DSCAML1: variants seen among roughly 807,000 people sequenced by gnomAD.
DSCAML1 encodes the protein DS cell adhesion molecule like 1.
A neutral mutation model predicts 200.5 loss-of-function variants in DSCAML1; 38 were observed. That is an observed-to-expected ratio of 0.19 (90% CI 0.15 to 0.25). The LOEUF (loss-of-function observed/expected upper bound fraction) is 0.25. Among genes scored for constraint, DSCAML1 ranks in the 10% least tolerant of loss-of-function variants. The pLI, the probability that DSCAML1 is intolerant of heterozygous loss-of-function variation, is 1.00. For synonymous variants in DSCAML1, 1,215 were observed against 1,165.0 expected (o/e 1.04, Z -0.87); for missense variants, 2,223 against 2,858.8 (o/e 0.78, Z 5.07).
intron 11 of DSCAML1, among the ~76,000 whole-genome samples, chr11:117,492,516 A>G (rs539698586): frequency 7.9e-5 from 12 of 152,222 alleles, no homozygotes; most frequent in African/African-American, 2.9e-4. Context: ...CAAGGCTCGG[A>G]TCGCCTTTTG....
At chr11:117,522,159 G>A (rs928637463) in intron 5 of DSCAML1, among the ~76,000 whole-genome samples, 1 of 152,196 alleles carries the variant, frequency 6.6e-6, no homozygotes, top group Non-Finnish European at 1.5e-5. Context: ...CTCACCTAGA[G>A]CATTCTGTGC....
At chr11:117,782,246 C>T (rs1047221514) in intron 1 of DSCAML1, among the ~76,000 whole-genome samples, 1 of 152,152 alleles carries the variant, frequency 6.6e-6, no homozygotes, top group African/African-American at 2.4e-5. Flanking sequence ...CCAGGCAGCT[C>T]GTTGAGGAAG....
At chr11:117,596,832 G>A (rs541913045) in intron 3 of DSCAML1, among the ~76,000 whole-genome samples, 149 of 152,300 alleles carry the variant, frequency 9.8e-4, no homozygotes, top group African/African-American at 3.4e-3. Flanking sequence ...TGAATGCAGA[G>A]GCAAACCTGG....
chr11:117,531,248 G>T (rs1251343110), intron 4 of DSCAML1, among the ~76,000 whole-genome samples: 2 of 152,104 alleles, frequency 1.3e-5, no homozygotes, highest in Non-Finnish European at 2.9e-5. Flanking sequence ...CGAGGCCAGG[G>T]GTTCAGAGTT....
chr11:117,542,876 C>T (rs1555183198), intron 3 of DSCAML1, among the ~76,000 whole-genome samples: 1 of 152,210 alleles, frequency 6.6e-6, no homozygotes, highest in Non-Finnish European at 1.5e-5. Context: ...CTCCTGAACA[C>T]AAATTCAGAG....
chr11:117,806,662 G>A (rs1206501973), intron 1 of DSCAML1, among the ~76,000 whole-genome samples: 1 of 152,232 alleles, frequency 6.6e-6, no homozygotes, highest in African/African-American at 2.4e-5. Flanking sequence ...GAGACATAGA[G>A]AAATTAACTA....
At chr11:117,541,756 G>A (rs2050273151) in intron 3 of DSCAML1, among the ~76,000 whole-genome samples, 1 of 152,204 alleles carries the variant, frequency 6.6e-6, no homozygotes. Flanking sequence ...CCTCCCAGCT[G>A]AGCCCATGTG....
At chr11:117,800,437 A>C (rs1485570324), upstream of DSCAML1, among the ~76,000 whole-genome samples, 5 of 152,250 alleles carry the variant, frequency 3.3e-5, no homozygotes, top group African/African-American at 1.2e-4. Flanking sequence ...AGTGAGAACA[A>C]ACACAGTTGC....
intron 1 of DSCAML1, among the ~76,000 whole-genome samples, chr11:117,788,288 T>G (rs2055397704): frequency 6.6e-6 from 1 of 152,194 alleles, no homozygotes; most frequent in African/African-American, 2.4e-5. Flanking sequence ...TTGGTTTTTT[T>G]GGTTTGTTTT....
intron 1 of DSCAML1, among the ~76,000 whole-genome samples, chr11:117,789,596 A>AGCAC (rs367650178): frequency 2.2e-4 from 33 of 152,246 alleles, no homozygotes; most frequent in African/African-American, 6.7e-4. Flanking sequence ...GGAACTCAGG[A>AGCAC]GCACCATGAA....
intron 8 of DSCAML1, among the ~76,000 whole-genome samples, chr11:117,510,493 C>T (rs1340183351): frequency 6.6e-6 from 1 of 152,156 alleles, no homozygotes; most frequent in Non-Finnish European, 1.5e-5. Flanking sequence ...TGACAGCTGA[C>T]TTAAGTTTTT....
At chr11:117,521,076 G>T in intron 6 of DSCAML1, 54 bp downstream of exon 6, 3 of 1,587,218 alleles carry the variant, frequency 1.9e-6, no homozygotes, top group South Asian at 1.1e-5. Context: ...AGAAGGGAGG[G>T]AATGAGCTCG....
Position 117,780,240 on chromosome 11 carries a change from G to GAAAGAAAGAA in DSCAML1, c.364+243_364+252dup, listed in dbSNP as rs1555032695. Among the ~76,000 whole-genome samples, 1,175 of 62,504 alleles carry GAAAGAAAGAA rather than the reference G, an allele frequency of 0.019. 49 individuals carry two copies. Among genetic ancestry groups the GAAAGAAAGAA allele is most frequent in the African/African-American group, 0.039 (639 of 16,482 alleles). 41.0% of individuals were successfully genotyped at this position (62,504 alleles called of 152,430 possible). ...GAGAGAAAGAAAGAAAGGAAAGAAAGAAAGAAAGAAAGAAAGAAAGAAAGA... is the reference window on the plus strand; with the variant it reads ...GAGAGAAAGAAAGAAAGGAAAGAAAGAAAGAAAGAAAAAGAAAGAAAGAAAGAAAGAAAGA... On this transcript the variant is annotated intron_variant, in intron 2 of 32. Transcript: ENST00000651296. The surrounding 1 kb of genome is among the most constrained non-coding windows in gnomAD (Gnocchi z 4.8).
chr11:117,450,317 A>G (rs2048260974), intron 20 of DSCAML1, among the ~76,000 whole-genome samples: 1 of 152,200 alleles, frequency 6.6e-6, no homozygotes. Flanking sequence ...GACTCAAAAG[A>G]GCCCCCAGTG....
At chr11:117,531,926 A>AAGGGAGGAGGGAGG (rs1273586205) in intron 4 of DSCAML1, among the ~76,000 whole-genome samples, 2 of 91,840 alleles carry the variant, frequency 2.2e-5, no homozygotes, top group African/African-American at 9.3e-5. Flanking sequence ...AAGGGAAGGG[A>AAGGGAGGAGGGAGG]AGGGAGGAGG....
At chr11:117,766,699 G>A (rs35788412) in intron 3 of DSCAML1, among the ~76,000 whole-genome samples, 2 of 152,214 alleles carry the variant, frequency 1.3e-5, no homozygotes, top group African/African-American at 2.4e-5. Flanking sequence ...AATTCACCCA[G>A]GGGGTGCTCT....
intron 3 of DSCAML1, among the ~76,000 whole-genome samples, chr11:117,551,984 G>A (rs2050474970): frequency 6.8e-6 from 1 of 147,746 alleles, no homozygotes; most frequent in Admixed American, 7.0e-5. Flanking sequence ...TGTCTTATCA[G>A]ACTCATTATA....
chr11:117,636,247 T>C (rs2052280345), intron 3 of DSCAML1, among the ~76,000 whole-genome samples: 1 of 152,184 alleles, frequency 6.6e-6, no homozygotes, highest in Non-Finnish European at 1.5e-5. Context: ...ATATGTCTCC[T>C]GGCCAGAACA....
At chr11:117,538,109 C>T (rs1317246478) in intron 3 of DSCAML1, among the ~76,000 whole-genome samples, 2 of 152,194 alleles carry the variant, frequency 1.3e-5, no homozygotes, top group Admixed American at 1.3e-4. Context: ...AAATGGAACT[C>T]TGAATCTCTG....
Sources: gnomAD v4.1 joint callset for allele counts (sites outside exome capture counted in the v4.1 genomes callset) on GRCh38, gnomAD v4.1.1 for gene constraint, Gnocchi (gnomAD v3.1) non-coding constraint, MANE v1.5 for transcripts, NCBI Gene and HGNC (gene_info 2026-07-23, HGNC 2026-07-21) for gene names.